CRYBG1: variants seen among roughly 807,000 people sequenced by gnomAD.
The protein encoded by CRYBG1 is beta/gamma crystallin domain-containing protein 1.
CRYBG1 carries 139 observed loss-of-function variants against 189.2 expected under a neutral mutation model. The observed-to-expected ratio is 0.73, with a 90% CI of 0.64 to 0.85. CRYBG1 has a LOEUF of 0.85. Ranked by LOEUF, CRYBG1 falls within the 40% of genes least tolerant of loss-of-function variation. The pLI is 0.00. For synonymous variants in CRYBG1, 1,023 were observed against 1,017.1 expected, an observed-to-expected ratio of 1.01 and a Z score of -0.11; for missense variants, 2,611 against 2,675.8, an observed-to-expected ratio of 0.98 and a Z score of 0.53.
chr6:106,483,400 AT>A (rs373074381), intron 2 of CRYBG1, among the ~76,000 whole-genome samples: 18,848 of 126,938 alleles, frequency 0.15, 2,791 homozygotes, highest in Non-Finnish European at 0.19. Context: ...AGATATATAT[AT>A]AAAACATTTT....
intron 1 of CRYBG1, among the ~76,000 whole-genome samples, chr6:106,418,000 G>T (rs544729614): frequency 2.0e-5 from 3 of 152,384 alleles, no homozygotes; most frequent in East Asian, 3.9e-4. Flanking sequence ...AGGGCAAAAG[G>T]TCAGTGTGAC....
In CRYBG1 at chr6:106,527,402, T is replaced by G. The variant is rs1350902; in HGVS notation, c.4510T>G (p.Leu1504Val). The change falls in exon 7 of 22, where the codon TTG (leucine) becomes GTG (valine). Residue 1504 changes from leucine to valine, a missense_variant. Leu to Val is a conservative substitution (Grantham distance 32). This residue lies in a region of CRYBG1 where 1,622 missense variants were observed against 1,735.0 expected (regional missense o/e 0.93). Coordinates refer to ENST00000633556, the MANE Select transcript of CRYBG1 (RefSeq NM_001371242.2). ...LSGLWGIEDI[L>V]ERHEEAESDK... is the part of the protein sequence containing the mutation. ...TGGTCTCTGGGGTATAGAAGACATT[T>G]TGGAAAGGCACGAAGAAGCAGAGTC... 4,569 of 1,613,834 alleles carry G rather than the reference T, an allele frequency of 2.8e-3. 70 individuals are homozygous for G. In the African/African-American group the frequency reaches 0.04, roughly 14 times the overall value.
In CRYBG1 at chr6:106,456,734, A is replaced by G. The variant is rs932097914; in HGVS notation, c.312+4902A>G. Reference sequence around the variant, plus strand: ...TCTTCTTTCTCTTTATGCCTGTTCCACAAAGGTCCACTGGTGTTTCTCTCA... The same window carrying G: ...TCTTCTTTCTCTTTATGCCTGTTCCGCAAAGGTCCACTGGTGTTTCTCTCA... On this transcript the variant is annotated intron_variant, in intron 2 of 21. Coordinates refer to ENST00000633556, the MANE Select transcript of CRYBG1 (RefSeq NM_001371242.2). Among the ~76,000 whole-genome samples the G allele has an allele frequency of 5.9e-5, 9 of 152,154 alleles. No individual in the cohort carries two copies. In the South Asian group the frequency reaches 1.7e-3, roughly 28 times the overall value.
intron 1 of CRYBG1, among the ~76,000 whole-genome samples, chr6:106,380,176 G>C (rs894024221): frequency 1.3e-5 from 2 of 152,126 alleles, no homozygotes; most frequent in African/African-American, 4.8e-5. Flanking sequence ...TTCATATTCA[G>C]GTCCCAACAT....
chr6:106,544,694 A>C lies in CRYBG1; in HGVS notation c.5163A>C (p.Leu1721Phe). 6.2e-7 allele frequency: 1 copy of C among 1,613,436 alleles called. No homozygotes were observed. The highest frequency in any genetic ancestry group is 8.5e-7 in the Non-Finnish European group (1 of 1,179,782). The change falls in exon 12 of 22, where the codon TTA (leucine) becomes TTC (phenylalanine). Residue 1721 changes from leucine (L) to phenylalanine (F), a missense_variant. Leu to Phe is a conservative substitution (Grantham distance 22). Around this residue, in one of 3 missense-constraint regions of CRYBG1, gnomAD observed 1,622 missense variants for 1,735.0 expected, o/e 0.93. Transcript: ENST00000633556. ...NGELQSLRPI[L>F]GDFSNAHMIM... ...AGCTTCAGTCTTTACGACCTATATT[A>C]GGTGTAAGTAAAGGACAAGCTAATG...
intron 13 of CRYBG1, among the ~76,000 whole-genome samples, chr6:106,546,010 C>G (rs1774260033): frequency 6.6e-6 from 1 of 152,340 alleles, no homozygotes; most frequent in South Asian, 2.1e-4. Context: ...GAAAGAGCTT[C>G]TCTTTCTCAC....
chr6:106,373,180 G>T (rs2114303748), intron 1 of CRYBG1, among the ~76,000 whole-genome samples: 1 of 152,180 alleles, frequency 6.6e-6, no homozygotes, highest in East Asian at 1.9e-4. Flanking sequence ...CAGGAACAAA[G>T]AATTCATATG....
chr6:106,564,732 T>G lies in CRYBG1; in HGVS notation c.6301+806T>G, dbSNP rs149946754. On this transcript the variant is annotated intron_variant, in intron 21 of 21. Transcript: ENST00000633556. ...TAACATAAGAATGACCTAACCTCTG[T>G]GTGGGAACTCAGTGAACTAGTGTGT... Among the ~76,000 whole-genome samples, 141 of 152,280 alleles carry G rather than the reference T, an allele frequency of 9.3e-4. 2 individuals are homozygous for G. The highest frequency in any genetic ancestry group is 3.3e-3 in the African/African-American group (137 of 41,546).
intron 1 of CRYBG1, among the ~76,000 whole-genome samples, chr6:106,435,295 A>G (rs1361821802): frequency 6.6e-6 from 1 of 152,040 alleles, no homozygotes; most frequent in Non-Finnish European, 1.5e-5. Context: ...CAGCCTCCCA[A>G]GTAGCCAGGA....
chr6:106,428,532 CA>C (rs1771268333), intron 1 of CRYBG1, among the ~76,000 whole-genome samples: 2 of 152,130 alleles, frequency 1.3e-5, no homozygotes, highest in African/African-American at 4.8e-5. Flanking sequence ...TTGCAGTTGA[CA>C]AAGTGCAATC....
intron 10 of CRYBG1, among the ~76,000 whole-genome samples, chr6:106,542,513 C>T (rs998380621): frequency 6.6e-6 from 1 of 151,612 alleles, no homozygotes; most frequent in East Asian, 1.9e-4. Context: ...CTCCTGAGCT[C>T]AAGTGATCCT....
intron 1 of CRYBG1, among the ~76,000 whole-genome samples, chr6:106,366,056 G>A (rs1771981800): frequency 1.3e-5 from 2 of 152,092 alleles, no homozygotes; most frequent in African/African-American, 2.4e-5. Context: ...GTTATCTGGA[G>A]CGTTTTTCTT....
intron 2 of CRYBG1, among the ~76,000 whole-genome samples, chr6:106,485,703 T>C (rs1772581323): frequency 2.0e-5 from 3 of 152,236 alleles, no homozygotes; most frequent in Admixed American, 2.0e-4. Context: ...GGATGTTAAA[T>C]TTATCAACTG....
intron 1 of CRYBG1, among the ~76,000 whole-genome samples, chr6:106,417,367 C>T (rs1331219272): frequency 6.6e-6 from 1 of 152,068 alleles, no homozygotes; most frequent in Non-Finnish European, 1.5e-5. Context: ...GGCAAGTGGC[C>T]TGAGGGTGAA....
chr6:106,428,235 G>A (rs1379274470), intron 1 of CRYBG1, among the ~76,000 whole-genome samples: 1 of 152,106 alleles, frequency 6.6e-6, no homozygotes, highest in Non-Finnish European at 1.5e-5. Flanking sequence ...TGTTTTTGTT[G>A]AAAGAATTAG....
chr6:106,485,968 A>G (rs1241412702), intron 2 of CRYBG1, among the ~76,000 whole-genome samples: 1 of 152,120 alleles, frequency 6.6e-6, no homozygotes, highest in Admixed American at 6.5e-5. Flanking sequence ...GAATCAGGGT[A>G]ATGCTGCCTT....
intron 1 of CRYBG1, among the ~76,000 whole-genome samples, chr6:106,416,551 C>T (rs185741718): frequency 2.0e-5 from 3 of 152,256 alleles, no homozygotes; most frequent in African/African-American, 4.8e-5. Context: ...CAGATTTTTC[C>T]GATATCTTAC....
chr6:106,551,483 G>A (rs1001449659), intron 13 of CRYBG1, among the ~76,000 whole-genome samples: 3 of 152,170 alleles, frequency 2.0e-5, no homozygotes, highest in African/African-American at 4.8e-5. Flanking sequence ...AACAAGACAC[G>A]TGCAAGTATC....
Position 106,386,767 on chromosome 6 carries a change from C to G in CRYBG1, c.173+25686C>G, listed in dbSNP as rs557786995. On this transcript the variant is annotated intron_variant, in intron 1 of 21. Coordinates refer to ENST00000633556, the MANE Select transcript of CRYBG1 (RefSeq NM_001371242.2). ...AGGTGGTAATGCAAGTGATGGAGAT[C>G]GGCTGTAAATAACAGATGAAGCTTC... is the stretch of plus-strand genomic sequence containing the variant. Among the ~76,000 whole-genome samples, 6 of 152,246 alleles carry G rather than the reference C, an allele frequency of 3.9e-5. No homozygotes were observed. The South Asian group carries it at 1.2e-3, about 32-fold the overall frequency.
Sources: allele counts gnomAD v4.1 joint callset (sites outside exome capture counted in the v4.1 genomes callset), GRCh38; gene constraint gnomAD v4.1.1; regional missense constraint gnomAD v4.1.1; transcripts MANE v1.5; gene names NCBI Gene and HGNC (gene_info 2026-07-23, HGNC 2026-07-21).